The following ADCY10 variants were observed in gnomAD, a reference collection of about 807,000 sequenced individuals.
ADCY10 encodes adenylate cyclase type 10.
In ADCY10, 156 loss-of-function variants were observed where a neutral mutation model predicts 183.3. That is an observed-to-expected ratio of 0.85 (90% CI 0.75 to 0.97). The LOEUF is 0.97. Among genes scored for constraint, ADCY10 ranks in the 50% least tolerant of loss-of-function variants. ADCY10 has a pLI of 0.00. For missense variants in ADCY10, 1,745 were observed against 1,934.3 expected, an observed-to-expected ratio of 0.90 and a Z score of 1.84; for synonymous variants, 645 against 670.0, an observed-to-expected ratio of 0.96 and a Z score of 0.58.
intron 9 of ADCY10, among the ~76,000 whole-genome samples, chr1:167,881,483 G>T (rs1364055954): frequency 6.6e-6 from 1 of 152,156 alleles, no homozygotes; most frequent in Non-Finnish European, 1.5e-5. Context: ...TGACATGAAG[G>T]GGGAAACACT....
chr1:167,815,744 C>T (rs1042301117), intron 31 of ADCY10, among the ~76,000 whole-genome samples: 11 of 152,046 alleles, frequency 7.2e-5, no homozygotes, highest in Admixed American at 7.2e-4. Context: ...TTTAAAATAA[C>T]TATGATTAAT....
Position 167,848,683 on chromosome 1 carries a change from C to A in ADCY10, c.2309-194G>T, listed in dbSNP as rs203796. 0.27 allele frequency among the ~76,000 whole-genome samples: 41,704 copies of A among 151,770 alleles called. 6,429 individuals carry two copies. Among genetic ancestry groups the A allele is most frequent in the East Asian group, 0.41 (2,130 of 5,152 alleles). On this transcript the variant is annotated intron_variant, in intron 18 of 32. Transcript: ENST00000367851. ...TTTGTTTTTTTGAGGTGGAGTCTCT[C>A]ACTGTCGCCCAGGCTGGAGTGCAGT...
chr1:167,878,054 G>A (rs996862629), intron 12 of ADCY10, among the ~76,000 whole-genome samples: 7 of 152,202 alleles, frequency 4.6e-5, no homozygotes, highest in Admixed American at 1.3e-4. Flanking sequence ...AAGACTTAGA[G>A]GAGAAATAAT....
Position 167,896,630 on chromosome 1 carries a change from G to C in ADCY10, c.704C>G (p.Thr235Ser), listed in dbSNP as rs756017782. ...NFDEFFTKCT[T>S]FMHYYPSGEH... ...ACCAGAAGGATAATAATGCATGAAGGTCGTACACTTTGTGAAAAATTCATC... is the reference window on the plus strand; with the variant it reads ...ACCAGAAGGATAATAATGCATGAAGCTCGTACACTTTGTGAAAAATTCATC... The change falls in exon 7 of 33, where the codon ACC (threonine) becomes AGC (serine). Residue 235 changes from threonine (T) to serine (S), a missense_variant. Transcript: ENST00000367851. 4 of 1,613,720 alleles carry C rather than the reference G, an allele frequency of 2.5e-6. No individual in the cohort carries two copies. The highest frequency in any genetic ancestry group is 3.4e-6 in the Non-Finnish European group (4 of 1,179,658).
At chr1:167,825,721 T>G (rs1319587135) in intron 26 of ADCY10, among the ~76,000 whole-genome samples, 1 of 152,058 alleles carries the variant, frequency 6.6e-6, no homozygotes, top group South Asian at 2.1e-4. Context: ...CAGGGGAGGT[T>G]GAGGCTGCAG....
At chr1:167,902,572 C>A (rs992542201) in intron 3 of ADCY10, among the ~76,000 whole-genome samples, 1 of 152,156 alleles carries the variant, frequency 6.6e-6, no homozygotes, top group Admixed American at 6.6e-5. Flanking sequence ...CTTTTAGTTA[C>A]GCATCATCAT....
At chr1:167,861,198 GTTCT>G (rs1666258169) in intron 14 of ADCY10, 135 bp from the exon 15 acceptor site, 1 of 756,276 alleles carries the variant, frequency 1.3e-6, no homozygotes, top group Non-Finnish European at 2.2e-6. Context: ...TCTCGCAATG[GTTCT>G]TTATTGCTGC....
chr1:167,833,276 G>T (rs1558161007), intron 24 of ADCY10, 114 bp from the exon 25 acceptor site: 1 of 991,128 alleles, frequency 1.0e-6, no homozygotes, highest in Non-Finnish European at 1.6e-6. Context: ...GTAATTTATG[G>T]ACCAGAAACA....
chr1:167,912,445 C>T lies in ADCY10; in HGVS notation c.-59+1531G>A, dbSNP rs142819570. Among the ~76,000 whole-genome samples the T allele has an allele frequency of 4.5e-3, 686 of 152,266 alleles. 8 individuals are homozygous for T. In the East Asian group the frequency reaches 0.056, roughly 12 times the overall value. ...CTCCCACGTGTGTAGAACATCATGG[C>T]ACCCTGCATTTGCATATTAAAAGGC... is the stretch of plus-strand genomic sequence containing the variant. On this transcript the variant is annotated intron_variant, in intron 1 of 32. Coordinates refer to ENST00000367851, the MANE Select transcript of ADCY10 (RefSeq NM_018417.6).
At chr1:167,871,152 A>C (rs1243610889) in intron 13 of ADCY10, among the ~76,000 whole-genome samples, 2 of 152,128 alleles carry the variant, frequency 1.3e-5, no homozygotes, top group Admixed American at 1.3e-4. Flanking sequence ...AAATTTATTA[A>C]AGTTAGTTTT....
chr1:167,900,049 G>A (rs779329563), intron 5 of ADCY10, among the ~76,000 whole-genome samples: 1 of 152,104 alleles, frequency 6.6e-6, no homozygotes, highest in African/African-American at 2.4e-5. Context: ...AAAGGGTGGG[G>A]GAAAGGAAGT....
rs1665240598 is a variant in ADCY10 at position 167,848,634 on chromosome 1, T to G, written c.2309-145A>C. 5.2e-6 allele frequency: 5 copies of G among 965,518 alleles called. No homozygotes were observed. The Admixed American group carries it at 7.4e-5, about 14-fold the overall frequency. 59.8% of individuals were successfully genotyped at this position (965,518 alleles called of 1,614,324 possible). On this transcript the variant is annotated intron_variant, in intron 18 of 32. Coordinates refer to ENST00000367851, the MANE Select transcript of ADCY10 (RefSeq NM_018417.6). ...CTCACCAAATATTCTGGAAACCTTT[T>G]TTTTGTTTTGTTTTGTTTTGTTTTT...
intron 21 of ADCY10, among the ~76,000 whole-genome samples, chr1:167,839,988 G>A (rs204270): frequency 0.16 from 24,692 of 151,718 alleles, 2,054 homozygotes; most frequent in Middle Eastern, 0.21. Context: ...GGGAGGCTGA[G>A]GTGGGAGGAT....
intron 8 of ADCY10, among the ~76,000 whole-genome samples, chr1:167,888,712 T>C (rs1668393685): frequency 6.6e-6 from 1 of 151,726 alleles, no homozygotes; most frequent in African/African-American, 2.4e-5. Context: ...TCGTCTCTAT[T>C]AAAAACACAA....
At chr1:167,857,882 GA>G (rs1197813193) in intron 16 of ADCY10, among the ~76,000 whole-genome samples, 1 of 152,156 alleles carries the variant, frequency 6.6e-6, no homozygotes, top group Admixed American at 6.5e-5. Context: ...AGCACCAACT[GA>G]AAAGTTTTAA....
Position 167,848,441 on chromosome 1 carries a change from C to T in ADCY10, c.2357G>A (p.Ser786Asn), listed in dbSNP as rs913123933. 3 of 1,612,926 alleles carry T rather than the reference C, an allele frequency of 1.9e-6. No homozygotes were observed. Among genetic ancestry groups the T allele is most frequent in the African/African-American group, 1.3e-5 (1 of 74,976 alleles). ...TEKLNMVTLH[S>N]DKESEEVCHL... ...ACAGACTTCTTCACTTTCCTTATCACTATGGAGAGTAACCATGTTTAACTT... is the reference window on the plus strand; with the variant it reads ...ACAGACTTCTTCACTTTCCTTATCATTATGGAGAGTAACCATGTTTAACTT... Residue 786 changes from serine (S) to asparagine (N), a missense_variant, in exon 19 of 33, where the codon AGT (serine) becomes AAT (asparagine). Coordinates refer to ENST00000367851, the MANE Select transcript of ADCY10 (RefSeq NM_018417.6).
At position 167,875,144 on chromosome 1, in the gene ADCY10, ATCC is replaced by A; in HGVS notation, c.1446_1448del (p.Glu482del). 1 of 1,614,198 alleles carries A rather than the reference ATCC, an allele frequency of 6.2e-7. No individual in the cohort carries two copies. ...CCTACTACCTACCCAGCAAAGGGTA[ATCC>A]TCCTTTCTGTTGCAGATGAGGCACG... On this transcript the variant is annotated inframe_deletion, in exon 13 of 33. Transcript: ENST00000367851.
intron 13 of ADCY10, among the ~76,000 whole-genome samples, chr1:167,872,119 A>T (rs1007960867): frequency 1.2e-4 from 19 of 152,278 alleles, no homozygotes; most frequent in Admixed American, 6.5e-4. Context: ...AGGCGGGTGG[A>T]TCCCCTGAGG....
intron 15 of ADCY10, among the ~76,000 whole-genome samples, chr1:167,860,443 C>T (rs538180535): frequency 9.2e-5 from 14 of 152,288 alleles, no homozygotes; most frequent in Admixed American, 2.6e-4. Flanking sequence ...GATGAAGCTT[C>T]ACTTGCTCAC....
Sources: gnomAD v4.1 joint callset for allele counts (sites outside exome capture counted in the v4.1 genomes callset) on GRCh38, gnomAD v4.1.1 for gene constraint, MANE v1.5 for transcripts, NCBI Gene and HGNC (gene_info 2026-07-23, HGNC 2026-07-21) for gene names.